The following PAPPA2 variants were observed in gnomAD, a reference collection of about 807,000 sequenced individuals.
PAPPA2 encodes pappalysin 2.
In PAPPA2, 86 loss-of-function variants were observed where a neutral mutation model predicts 176.4. That is an observed-to-expected ratio of 0.49 (90% CI 0.41 to 0.58). The LOEUF (loss-of-function observed/expected upper bound fraction) is 0.58. Ranked by LOEUF, PAPPA2 falls within the 20% of genes least tolerant of loss-of-function variation. The pLI, the probability that PAPPA2 is intolerant of heterozygous loss-of-function variation, is 0.00. For missense variants in PAPPA2, 2,073 were observed against 2,256.9 expected (o/e 0.92, Z 1.65); for synonymous variants, 809 against 852.2 (o/e 0.95, Z 0.88).
chr1:176,817,734 A>C (rs1666463835), intron 21 of PAPPA2, among the ~76,000 whole-genome samples: 1 of 152,112 alleles, frequency 6.6e-6, no homozygotes, highest in Non-Finnish European at 1.5e-5. Context: ...TGTTAAAAAA[A>C]AAAAAAGAAA....
chr1:176,768,693 G>A (rs181757032), intron 15 of PAPPA2, among the ~76,000 whole-genome samples: 48 of 152,176 alleles, frequency 3.2e-4, no homozygotes, highest in African/African-American at 1.1e-3. Context: ...TTTAGGACAG[G>A]ACCTGGCCCT....
At chr1:176,718,259 C>T (rs1267004647) in intron 12 of PAPPA2, among the ~76,000 whole-genome samples, 1 of 151,952 alleles carries the variant, frequency 6.6e-6, no homozygotes, top group Non-Finnish European at 1.5e-5. Flanking sequence ...TGTCATGTTT[C>T]TACAGAATAA....
At chr1:176,718,711 A>ATT (rs1274980630) in intron 12 of PAPPA2, among the ~76,000 whole-genome samples, 3 of 151,034 alleles carry the variant, frequency 2.0e-5, no homozygotes, top group African/African-American at 7.3e-5. Flanking sequence ...TTTTTTTTAA[A>ATT]AAAAAAAAAC....
chr1:176,738,152 C>T (rs1337838524), intron 12 of PAPPA2, among the ~76,000 whole-genome samples: 1 of 152,086 alleles, frequency 6.6e-6, no homozygotes, highest in Non-Finnish European at 1.5e-5. Context: ...TCATGTCTAG[C>T]CCTCATCCAG....
At chr1:176,772,480 T>C (rs150275562) in intron 17 of PAPPA2, among the ~76,000 whole-genome samples, 2 of 152,278 alleles carry the variant, frequency 1.3e-5, no homozygotes, top group Non-Finnish European at 2.9e-5. Flanking sequence ...AGTTGATCTC[T>C]CAACCATGTT....
chr1:176,695,622 G>C, intron 6 of PAPPA2, 116 bp from the exon 7 acceptor site: 1 of 1,185,276 alleles, frequency 8.4e-7, no homozygotes, highest in Non-Finnish European at 1.2e-6. Flanking sequence ...TACTCTCTAG[G>C]TCCTTACTAA....
chr1:176,571,713 G>A lies in PAPPA2; in HGVS notation c.919+14472G>A, dbSNP rs141353936. Among the ~76,000 whole-genome samples the A allele has an allele frequency of 8.1e-3, 1,226 of 152,294 alleles. 11 individuals are homozygous for A. The highest frequency in any genetic ancestry group is 0.014 in the Non-Finnish European group (942 of 68,024). ...GATATAACTTAGCATGAAATTATTTGTAGTGAGATTTTGATTCCACAGATT... is the reference window on the plus strand; with the variant it reads ...GATATAACTTAGCATGAAATTATTTATAGTGAGATTTTGATTCCACAGATT... On this transcript the variant is annotated intron_variant, in intron 2 of 22. Transcript: ENST00000367662.
chr1:176,504,539 C>A (rs1480897941), intron 1 of PAPPA2, among the ~76,000 whole-genome samples: 1 of 152,068 alleles, frequency 6.6e-6, no homozygotes, highest in Non-Finnish European at 1.5e-5. Context: ...GTCATTTAAG[C>A]ACAGACTGTG....
intron 4 of PAPPA2, among the ~76,000 whole-genome samples, chr1:176,684,828 GA>G (rs546021990): frequency 1.1e-3 from 165 of 152,254 alleles, no homozygotes; most frequent in African/African-American, 3.4e-3. Context: ...CCTAATTTCA[GA>G]CTGCTAGGAA....
chr1:176,600,867 C>T (rs1176090155), intron 3 of PAPPA2, among the ~76,000 whole-genome samples: 1 of 152,092 alleles, frequency 6.6e-6, no homozygotes, highest in East Asian at 1.9e-4. Flanking sequence ...AAGTGGGGGA[C>T]AGACCTACAA....
At chr1:176,645,232 T>C (rs1439532265) in intron 3 of PAPPA2, among the ~76,000 whole-genome samples, 3 of 151,736 alleles carry the variant, frequency 2.0e-5, no homozygotes, top group African/African-American at 7.3e-5. Flanking sequence ...ATCAACCTCT[T>C]TTTATCCTCC....
chr1:176,690,649 T>G (rs148823699), intron 5 of PAPPA2: 13 of 1,354,318 alleles, frequency 9.6e-6, no homozygotes, highest in Non-Finnish European at 1.1e-5. Context: ...TGAATTCTCC[T>G]CTACTAGATA....
chr1:176,558,815 T>C (rs1651484703), intron 2 of PAPPA2, among the ~76,000 whole-genome samples: 1 of 152,098 alleles, frequency 6.6e-6, no homozygotes, highest in Non-Finnish European at 1.5e-5. Flanking sequence ...CCCACGACTC[T>C]GCTTACCCCT....
At chr1:176,699,856 T>C (rs1032312910) in intron 8 of PAPPA2, among the ~76,000 whole-genome samples, 1 of 152,180 alleles carries the variant, frequency 6.6e-6, no homozygotes, top group Non-Finnish European at 1.5e-5. Context: ...TGAACATAAT[T>C]GCTACAAATA....
chr1:176,767,348 C>CT (rs1000441678), intron 15 of PAPPA2, among the ~76,000 whole-genome samples: 11 of 151,570 alleles, frequency 7.3e-5, no homozygotes, highest in South Asian at 2.1e-4. Flanking sequence ...GAGAGGCATT[C>CT]TTTTTTTTTG....
At chr1:176,585,287 T>G (rs1247161251) in intron 2 of PAPPA2, among the ~76,000 whole-genome samples, 2 of 152,190 alleles carry the variant, frequency 1.3e-5, no homozygotes, top group Non-Finnish European at 1.5e-5. Context: ...TTGTTTGTTT[T>G]TTTTTTCTTT....
intron 20 of PAPPA2, among the ~76,000 whole-genome samples, chr1:176,794,652 A>G (rs1441589906): frequency 2.6e-5 from 4 of 152,198 alleles, no homozygotes; most frequent in South Asian, 2.1e-4. Flanking sequence ...ACTGTTCCCT[A>G]TTGGAACACC....
intron 3 of PAPPA2, among the ~76,000 whole-genome samples, chr1:176,639,362 T>C (rs1185053108): frequency 6.6e-6 from 1 of 152,158 alleles, no homozygotes; most frequent in African/African-American, 2.4e-5. Context: ...CTATGCATAC[T>C]GGCCCTTCCA....
intron 3 of PAPPA2, among the ~76,000 whole-genome samples, chr1:176,654,754 C>CATA (rs1657932765): frequency 6.6e-6 from 1 of 151,698 alleles, no homozygotes. Flanking sequence ...TTTTATACAT[C>CATA]AGTATTTCAT....
Sources: gnomAD v4.1 joint callset for allele counts (sites outside exome capture counted in the v4.1 genomes callset) on GRCh38, gnomAD v4.1.1 for gene constraint, MANE v1.5 for transcripts, NCBI Gene and HGNC (gene_info 2026-07-23, HGNC 2026-07-21) for gene names.